Variants in STK33 observed in about 807,000 individuals in gnomAD.
STK33 encodes the protein serine/threonine kinase 33.
In STK33, 52 loss-of-function variants were observed where a neutral mutation model predicts 58.0. That is an observed-to-expected ratio of 0.90 (90% CI 0.72 to 1.13). STK33 has a LOEUF of 1.13. Ranked by LOEUF, STK33 falls within the 50% of genes most tolerant of loss-of-function variation. The pLI is 0.00. For missense variants in STK33, 630 were observed against 604.2 expected (o/e 1.04, Z -0.45); for synonymous variants, 215 against 200.1 (o/e 1.07, Z -0.63).
At chr11:8,361,105 G>C in the STK33 span, among the ~76,000 whole-genome samples, 1 of 152,268 alleles carries the variant, frequency 6.6e-6, no homozygotes, top group East Asian at 1.9e-4. The surrounding 1 kb of genome is among the most constrained non-coding windows in gnomAD (Gnocchi z 4.8). Flanking sequence ...AGAGAGAGGG[G>C]AGCGAAAGGT....
At chr11:8,380,325 C>T in the STK33 span, among the ~76,000 whole-genome samples, 1 of 152,012 alleles carries the variant, frequency 6.6e-6, no homozygotes, top group African/African-American at 2.4e-5. Context: ...TTTGAGAGGC[C>T]GAGATGGGTG....
intron 1 of STK33, among the ~76,000 whole-genome samples, chr11:8,576,451 C>A (rs752033231): frequency 7.2e-5 from 11 of 152,156 alleles, no homozygotes; most frequent in African/African-American, 2.7e-4. Context: ...AACCTGAAAT[C>A]TATTTTCAGA....
chr11:8,492,321 A>C (rs1950687953), intron 1 of STK33, among the ~76,000 whole-genome samples: 1 of 152,226 alleles, frequency 6.6e-6, no homozygotes, highest in Non-Finnish European at 1.5e-5. Context: ...AACAGACTTT[A>C]AACCAACAAA....
chr11:8,416,294 T>C (rs907173434), intron 14 of STK33, among the ~76,000 whole-genome samples: 3 of 152,204 alleles, frequency 2.0e-5, no homozygotes, highest in African/African-American at 7.2e-5. Flanking sequence ...CTCTGTCTTA[T>C]AAGTTATATG....
chr11:8,348,437 C>A, the STK33 span, among the ~76,000 whole-genome samples: 6 of 152,142 alleles, frequency 3.9e-5, no homozygotes, highest in Non-Finnish European at 8.8e-5. Context: ...CTTATAAAAC[C>A]ATCAGGATCT....
intron 1 of STK33, among the ~76,000 whole-genome samples, chr11:8,535,600 T>G (rs1254476169): frequency 2.0e-5 from 3 of 152,242 alleles, no homozygotes; most frequent in South Asian, 2.1e-4. Flanking sequence ...TTGGCAAGGA[T>G]GTAGAGAAAA....
intron 1 of STK33, among the ~76,000 whole-genome samples, chr11:8,588,349 T>C (rs1462638261): frequency 6.6e-6 from 1 of 152,250 alleles, no homozygotes; most frequent in Admixed American, 6.5e-5. Context: ...CTGTGTAGGA[T>C]GGTGGCATGT....
In STK33 at chr11:8,452,845, G is replaced by A; in HGVS notation, c.848C>T (p.Thr283Ile). 1 of 1,614,054 alleles carries A rather than the reference G, an allele frequency of 6.2e-7. No individual in the cohort carries two copies. The highest frequency in any genetic ancestry group is 8.5e-7 in the Non-Finnish European group (1 of 1,179,954). Residue 283 changes from threonine (T) to isoleucine (I), a missense_variant, in exon 11 of 16, where the codon ACA becomes ATA. By Grantham distance (89) the Thr-to-Ile change is moderately conservative (BLOSUM62 -1). Coordinates refer to ENST00000687296, the MANE Select transcript of STK33 (RefSeq NM_001352389.2). ...QSRSEAMLQA[T>I]CGTPIYMAPE... ...ACCCATATAGATAGGAGTCCCACAT[G>A]TGGCCTGCAGCATGGCTTCACTCCT...
rs752884359 is a variant in STK33, at chr11:8,413,489, TCCTA to T, written c.1344+2_1344+5del. 5.0e-6 allele frequency: 8 copies of T among 1,613,704 alleles called. No individual in the cohort carries two copies. The Admixed American group carries it at 8.3e-5, about 17-fold the overall frequency. On this transcript the variant is annotated splice_donor_variant and splice_donor_5th_base_variant and intron_variant, in intron 15 of 15. Coordinates refer to ENST00000687296, the MANE Select transcript of STK33 (RefSeq NM_001352389.2). LOFTEE classifies it high-confidence loss of function. ...TTGGGAGAAATGCAGCAATGATTCT[TCCTA>T]CCTGTTTTTCCTCCTCTTCATCTGA...
chr11:8,569,444 A>G (rs1957655917), intron 1 of STK33, among the ~76,000 whole-genome samples: 1 of 152,168 alleles, frequency 6.6e-6, no homozygotes, highest in African/African-American at 2.4e-5. Context: ...CTCCTATCTC[A>G]CACCACCCAC....
intron 1 of STK33, among the ~76,000 whole-genome samples, chr11:8,485,507 TG>T (rs1950138293): frequency 6.6e-6 from 1 of 152,196 alleles, no homozygotes. Flanking sequence ...ATTGCAAAAA[TG>T]TTCTATTGGT....
the STK33 span, among the ~76,000 whole-genome samples, chr11:8,354,408 C>A: frequency 5.3e-5 from 8 of 151,386 alleles, no homozygotes; most frequent in Non-Finnish European, 1.2e-4. Context: ...GGCAGGTGCT[C>A]ATACTCAGAG....
intron 1 of STK33, among the ~76,000 whole-genome samples, chr11:8,540,994 C>CTCTA (rs1283245491): frequency 6.9e-4 from 90 of 130,536 alleles, no homozygotes; most frequent in African/African-American, 2.1e-3. Context: ...CTCTCTCTCT[C>CTCTA]TATATATATA....
chr11:8,355,436 G>C, the STK33 span, among the ~76,000 whole-genome samples: 2 of 152,252 alleles, frequency 1.3e-5, no homozygotes, highest in African/African-American at 4.8e-5. Flanking sequence ...GTCGAAGTGA[G>C]GAGATGCTGC....
At chr11:8,540,986 C>G (rs1311746950) in intron 1 of STK33, among the ~76,000 whole-genome samples, 1 of 138,296 alleles carries the variant, frequency 7.2e-6, no homozygotes. Context: ...CTCTCTCTCT[C>G]TCTCTCTCTA....
At chr11:8,403,499 G>T (rs999318441) in intron 15 of STK33, among the ~76,000 whole-genome samples, 1 of 152,182 alleles carries the variant, frequency 6.6e-6, no homozygotes, top group East Asian at 1.9e-4. Context: ...CAGCACTGTG[G>T]AGGTGGACAG....
At chr11:8,452,608 C>T (rs535663657) in intron 11 of STK33, among the ~76,000 whole-genome samples, 1 of 151,968 alleles carries the variant, frequency 6.6e-6, no homozygotes, top group South Asian at 2.1e-4. Context: ...AACAGTGAGA[C>T]TGCTATCTCT....
At chr11:8,359,722 G>T in the STK33 span, among the ~76,000 whole-genome samples, 1 of 152,246 alleles carries the variant, frequency 6.6e-6, no homozygotes, top group Non-Finnish European at 1.5e-5. Context: ...CAGAGAGAGG[G>T]GTTCTTGAGG....
chr11:8,464,448 C>CT (rs1947927399), intron 7 of STK33, among the ~76,000 whole-genome samples: 1 of 152,190 alleles, frequency 6.6e-6, no homozygotes, highest in Non-Finnish European at 1.5e-5. Flanking sequence ...TCAGCAAACT[C>CT]TGGTAAAATT....
Sources: allele counts gnomAD v4.1 joint callset (sites outside exome capture counted in the v4.1 genomes callset), GRCh38; gene constraint gnomAD v4.1.1; non-coding constraint Gnocchi (gnomAD v3.1); transcripts MANE v1.5; gene names NCBI Gene and HGNC (gene_info 2026-07-23, HGNC 2026-07-21).